Variants in AGBL1 observed in about 807,000 individuals in gnomAD.
AGBL1 encodes cytosolic carboxypeptidase 4.
In AGBL1, 130 loss-of-function variants were observed where a neutral mutation model predicts 118.9. That is an observed-to-expected ratio of 1.09 (90% confidence interval 0.95 to 1.26). The LOEUF is 1.26. AGBL1 is among the 50% of genes most tolerant of loss of function. AGBL1 has a pLI of 0.00. For synonymous variants in AGBL1, 555 were observed against 478.9 expected (o/e 1.16, Z -2.08); for missense variants, 1,584 against 1,298.1 (o/e 1.22, Z -3.38).
intron 17 of AGBL1, among the ~76,000 whole-genome samples, chr15:86,371,696 C>T (rs568971764): frequency 3.9e-5 from 6 of 152,160 alleles, no homozygotes; most frequent in Non-Finnish European, 8.8e-5. Flanking sequence ...TTTCCAACAC[C>T]GTGTGCAGAA....
intron 23 of AGBL1, among the ~76,000 whole-genome samples, chr15:86,940,781 C>T (rs952238190): frequency 6.6e-6 from 1 of 152,102 alleles, no homozygotes; most frequent in African/African-American, 2.4e-5. Context: ...CAAAAAGTAA[C>T]CTGAAGTAAC....
At chr15:86,748,704 A>T (rs995122842) in intron 22 of AGBL1, among the ~76,000 whole-genome samples, 140 of 151,762 alleles carry the variant, frequency 9.2e-4, no homozygotes, top group African/African-American at 3.2e-3. Context: ...GTAAGGAAGT[A>T]TCCAGTTTCA....
At chr15:86,979,500 C>CG (rs201471702) in intron 23 of AGBL1, among the ~76,000 whole-genome samples, 5,574 of 146,120 alleles carry the variant, frequency 0.038, 148 homozygotes, top group Middle Eastern at 0.071. Context: ...TTTTTTTTGG[C>CG]GGGGGGGAGA....
chr15:86,859,651 G>T (rs989900223), intron 22 of AGBL1, among the ~76,000 whole-genome samples: 16 of 152,164 alleles, frequency 1.1e-4, no homozygotes, highest in Non-Finnish European at 2.4e-4. Context: ...GGCTTGTCAC[G>T]AGAGGCTTGA....
intron 22 of AGBL1, among the ~76,000 whole-genome samples, chr15:86,821,205 A>C (rs1206050361): frequency 6.6e-6 from 1 of 152,198 alleles, no homozygotes; most frequent in Non-Finnish European, 1.5e-5. Flanking sequence ...AGGGGATAGC[A>C]TTAGGAGAAA....
chr15:86,380,737 C>T (rs1171199539), intron 17 of AGBL1, among the ~76,000 whole-genome samples: 1 of 152,158 alleles, frequency 6.6e-6, no homozygotes, highest in African/African-American at 2.4e-5. Context: ...GCTTAAAAAT[C>T]TGTTTTATTT....
intron 22 of AGBL1, among the ~76,000 whole-genome samples, chr15:86,742,461 A>G (rs890099236): frequency 2.2e-4 from 34 of 152,108 alleles, no homozygotes; most frequent in African/African-American, 7.7e-4. Flanking sequence ...CTTATTTACC[A>G]ATGAGGCTTT....
intron 21 of AGBL1, among the ~76,000 whole-genome samples, chr15:86,600,790 A>G (rs1024000628): frequency 6.6e-6 from 1 of 152,138 alleles, no homozygotes; most frequent in African/African-American, 2.4e-5. Flanking sequence ...AAATCAGAGA[A>G]TATAAAAGAG....
In AGBL1 at chr15:86,869,197, G is replaced by C. The variant is rs78696391; in HGVS notation, c.3159-37890G>C. Among the ~76,000 whole-genome samples the C allele has an allele frequency of 4.3e-3, 648 of 152,262 alleles. 7 individuals are homozygous for C. Among genetic ancestry groups the C allele is most frequent in the African/African-American group, 0.015 (615 of 41,540 alleles). On this transcript the variant is annotated intron_variant, in intron 22 of 22. Transcript: ENST00000614907. ...AAATTCCCACTGGGTAAGACAGAGAGGTGTGTCAGGGGAAAAGCTAGCATG... is the reference window on the plus strand; with the variant it reads ...AAATTCCCACTGGGTAAGACAGAGACGTGTGTCAGGGGAAAAGCTAGCATG...
rs1248334373 is a variant in AGBL1 at position 86,913,534 on chromosome 15, C to A, written c.*6240C>A. On this transcript the variant is annotated 3_prime_UTR_variant, in exon 23 of 23. Transcript: ENST00000614907. ...AATGAGCCACATTTAGTTCTTATGA[C>A]AAGTAGTTAAACAGAGGAGAGCACT... The A allele has an allele frequency of 6.6e-6, 1 of 152,120 alleles. No homozygotes were observed. The highest frequency in any genetic ancestry group is 1.5e-5 in the Non-Finnish European group (1 of 68,054). 9.4% of individuals were successfully genotyped at this position (152,120 alleles called of 1,614,324 possible).
chr15:86,243,205 A>G (rs2078666757), intron 6 of AGBL1, among the ~76,000 whole-genome samples: 1 of 152,216 alleles, frequency 6.6e-6, no homozygotes, highest in Non-Finnish European at 1.5e-5. Flanking sequence ...AAAACTACAG[A>G]AAACTCTAAA....
chr15:86,394,764 A>T (rs1224679794), intron 17 of AGBL1, among the ~76,000 whole-genome samples: 1 of 152,176 alleles, frequency 6.6e-6, no homozygotes. Context: ...AGGGCGAAGG[A>T]CAAGACACAA....
chr15:86,873,326 T>C (rs2079756459), intron 22 of AGBL1, among the ~76,000 whole-genome samples: 1 of 152,192 alleles, frequency 6.6e-6, no homozygotes, highest in Admixed American at 6.5e-5. Context: ...AAGGGGTTAG[T>C]AATCTGGTTA....
chr15:86,248,936 G>T (rs527650410), intron 7 of AGBL1, among the ~76,000 whole-genome samples: 1 of 152,280 alleles, frequency 6.6e-6, no homozygotes, highest in South Asian at 2.1e-4. Context: ...GGAGGAGCTG[G>T]TCATGCTGGT....
intron 7 of AGBL1, among the ~76,000 whole-genome samples, chr15:86,249,900 C>T (rs1007692201): frequency 1.3e-5 from 2 of 152,180 alleles, no homozygotes; most frequent in Non-Finnish European, 2.9e-5. Context: ...ACAGGTTCTT[C>T]AAAACAGTTC....
At chr15:86,222,658 TCTC>T (rs1454076573) in intron 5 of AGBL1, among the ~76,000 whole-genome samples, 1 of 152,160 alleles carries the variant, frequency 6.6e-6, no homozygotes, top group Non-Finnish European at 1.5e-5. Flanking sequence ...TAAACATTGA[TCTC>T]CTACTTATGC....
chr15:86,656,396 G>A lies in AGBL1; in HGVS notation c.2995-17877G>A, dbSNP rs188942803. Reference sequence around the variant, plus strand: ...GATATCACCCTGGGGCTTTAGGGGGGTTGCCTGCATTATGTAGGAAAACAA... The same window carrying A: ...GATATCACCCTGGGGCTTTAGGGGGATTGCCTGCATTATGTAGGAAAACAA... On this transcript the variant is annotated intron_variant, in intron 21 of 22. Coordinates refer to ENST00000614907, the MANE Select transcript of AGBL1 (RefSeq NM_001386094.1). Among the ~76,000 whole-genome samples, 14 of 152,224 alleles carry A rather than the reference G, an allele frequency of 9.2e-5. No homozygotes were observed. In the East Asian group the frequency reaches 2.7e-3, roughly 29 times the overall value.
At chr15:86,290,398 T>G (rs1447076850) in intron 16 of AGBL1, among the ~76,000 whole-genome samples, 1 of 149,868 alleles carries the variant, frequency 6.7e-6, no homozygotes, top group African/African-American at 2.4e-5. Context: ...TCACCCAGGA[T>G]GGAGTGCAGT....
intron 22 of AGBL1, among the ~76,000 whole-genome samples, chr15:86,808,588 C>G (rs1329103672): frequency 6.8e-6 from 1 of 147,404 alleles, no homozygotes; most frequent in South Asian, 2.2e-4. Flanking sequence ...TCCTTCCTCC[C>G]CTTTCCTTCC....
Sources: allele counts gnomAD v4.1 joint callset (sites outside exome capture counted in the v4.1 genomes callset), GRCh38; gene constraint gnomAD v4.1.1; transcripts MANE v1.5; gene names NCBI Gene and HGNC (gene_info 2026-07-23, HGNC 2026-07-21).